MACROD2: variants seen among roughly 807,000 people sequenced by gnomAD.
MACROD2 encodes the protein ADP-ribose glycohydrolase MACROD2.
Under a neutral mutation model 70.4 loss-of-function variants are expected in MACROD2, and 36 were observed. The observed-to-expected ratio is 0.51, with a 90% CI of 0.39 to 0.68. The LOEUF is 0.68. MACROD2 is among the 30% of genes least tolerant of loss of function. The pLI, the probability that MACROD2 is intolerant of heterozygous loss-of-function variation, is 0.00. For synonymous variants in MACROD2, 172 were observed against 178.8 expected (o/e 0.96, Z 0.30); for missense variants, 496 against 538.4 (o/e 0.92, Z 0.78).
intron 8 of MACROD2, among the ~76,000 whole-genome samples, chr20:15,630,819 A>G (rs1287556467): frequency 6.6e-6 from 1 of 152,038 alleles, no homozygotes; most frequent in African/African-American, 2.4e-5. Flanking sequence ...TCTCTTATAG[A>G]TTTTTTCTCA....
rs1386085281 is a variant in MACROD2, at chr20:15,986,681, C to T, written c.986-46C>T. The T allele has an allele frequency of 9.0e-6, 13 of 1,439,756 alleles. 1 individual carries two copies. Among genetic ancestry groups the T allele is most frequent in the Admixed American group, 1.7e-5 (1 of 58,222 alleles). 89.2% of individuals were successfully genotyped at this position (1,439,756 alleles called of 1,614,324 possible). On this transcript the variant is annotated intron_variant, in intron 13 of 17. Transcript: ENST00000684519. Reference sequence around the variant, plus strand: ...TGAAGGTCAGGAATAAAGCTACGGTCATGCATATCACATTTCTTTTATTTT... The same window carrying T: ...TGAAGGTCAGGAATAAAGCTACGGTTATGCATATCACATTTCTTTTATTTT...
intron 3 of MACROD2, among the ~76,000 whole-genome samples, chr20:14,417,732 C>A (rs1407122490): frequency 1.3e-5 from 2 of 152,190 alleles, no homozygotes; most frequent in Non-Finnish European, 2.9e-5. Context: ...TTGGCTGAAG[C>A]TGACCTGCAT....
At chr20:14,541,406 C>T (rs1236025788) in intron 4 of MACROD2, among the ~76,000 whole-genome samples, 2 of 152,062 alleles carry the variant, frequency 1.3e-5, no homozygotes, top group African/African-American at 2.4e-5. Flanking sequence ...AAGTCTTCTC[C>T]GACCATCTCA....
At chr20:14,561,509 T>A (rs990601641) in intron 4 of MACROD2, among the ~76,000 whole-genome samples, 1 of 151,838 alleles carries the variant, frequency 6.6e-6, no homozygotes, top group African/African-American at 2.4e-5. Flanking sequence ...AGGTGCAGGG[T>A]ATACAAATGT....
chr20:16,004,363 A>G (rs940233418), intron 15 of MACROD2, among the ~76,000 whole-genome samples: 6 of 152,146 alleles, frequency 3.9e-5, no homozygotes, highest in Non-Finnish European at 7.4e-5. Flanking sequence ...GTGTTTGTTT[A>G]TTGGAAAGCA....
rs71190120 is a variant in MACROD2, at chr20:14,230,669, C to CTA, written c.271+144971_271+144972dup. On this transcript the variant is annotated intron_variant, in intron 3 of 17. Transcript: ENST00000684519. ...TATATATATATAACACAGGCTGGGC[C>CTA]TATATATATATATATATATATATAT... Among the ~76,000 whole-genome samples, 236 of 92,910 alleles carry CTA rather than the reference C, an allele frequency of 2.5e-3. 16 individuals carry two copies. Among genetic ancestry groups the CTA allele is most frequent in the African/African-American group, 0.011 (219 of 19,282 alleles). 61.0% of individuals were successfully genotyped at this position (92,910 alleles called of 152,430 possible).
At chr20:15,085,104 A>G (rs2075736604) in intron 5 of MACROD2, among the ~76,000 whole-genome samples, 1 of 152,200 alleles carries the variant, frequency 6.6e-6, no homozygotes, top group African/African-American at 2.4e-5. Context: ...AAATCCTCAC[A>G]TAATGGTCCA....
chr20:15,771,381 C>T (rs1430552219), intron 8 of MACROD2, among the ~76,000 whole-genome samples: 1 of 148,686 alleles, frequency 6.7e-6, no homozygotes, highest in Admixed American at 6.6e-5. Context: ...TGGGATTTTG[C>T]CATGTAGTTC....
chr20:15,187,038 A>G (rs2076539258), intron 5 of MACROD2, among the ~76,000 whole-genome samples: 1 of 152,190 alleles, frequency 6.6e-6, no homozygotes, highest in South Asian at 2.1e-4. Context: ...TGGAAACACT[A>G]CTATGTGAAC....
intron 9 of MACROD2, among the ~76,000 whole-genome samples, chr20:15,879,504 T>A (rs1391407209): frequency 6.6e-6 from 1 of 152,158 alleles, no homozygotes; most frequent in African/African-American, 2.4e-5. Flanking sequence ...TGTGCTTGAT[T>A]TTAATACAAA....
At chr20:14,929,116 G>A (rs2074267938) in intron 5 of MACROD2, among the ~76,000 whole-genome samples, 1 of 152,116 alleles carries the variant, frequency 6.6e-6, no homozygotes, top group African/African-American at 2.4e-5. Flanking sequence ...GACACCAAAT[G>A]TGCGGATTTT....
Position 15,827,029 on chromosome 20 carries a change from A to G in MACROD2, c.646-35716A>G, listed in dbSNP as rs201067870. Among the ~76,000 whole-genome samples the G allele has an allele frequency of 3.3e-5, 5 of 152,326 alleles. No individual in the cohort carries two copies. The South Asian group carries it at 1.0e-3, about 32-fold the overall frequency. Reference sequence around the variant, plus strand: ...AAATAGTGAACTAATTGCCTTAAAAATGGTAGAACTTTTCTTTTGGGTAGC... The same window carrying G: ...AAATAGTGAACTAATTGCCTTAAAAGTGGTAGAACTTTTCTTTTGGGTAGC... On this transcript the variant is annotated intron_variant, in intron 8 of 17. Transcript: ENST00000684519.
chr20:14,247,393 A>C (rs1487116803), intron 3 of MACROD2, among the ~76,000 whole-genome samples: 2 of 152,160 alleles, frequency 1.3e-5, no homozygotes, highest in African/African-American at 4.8e-5. Context: ...GGTTATGTGG[A>C]CTTTTGCAGT....
intron 3 of MACROD2, among the ~76,000 whole-genome samples, chr20:14,388,026 T>C (rs1439408602): frequency 6.6e-6 from 1 of 151,656 alleles, no homozygotes; most frequent in South Asian, 2.1e-4. Context: ...TTTTTTTTTT[T>C]TGAGACAGAG....
chr20:13,999,007 C>T, intron 1 of MACROD2, among the ~76,000 whole-genome samples: 1 of 150,408 alleles, frequency 6.6e-6, no homozygotes, highest in Non-Finnish European at 1.5e-5. Context: ...GTAATATGAA[C>T]AGCCCTAACA....
chr20:15,979,278 G>A (rs944651119), intron 13 of MACROD2, among the ~76,000 whole-genome samples: 10 of 152,262 alleles, frequency 6.6e-5, no homozygotes, highest in South Asian at 2.1e-4. Flanking sequence ...GGATCTAGAC[G>A]AAGGAACATG....
At chr20:15,625,375 C>T (rs989932489) in intron 8 of MACROD2, among the ~76,000 whole-genome samples, 5 of 151,976 alleles carry the variant, frequency 3.3e-5, no homozygotes, top group South Asian at 2.1e-4. Context: ...ATGCTGGGTT[C>T]GGCTCTAGGG....
intron 6 of MACROD2, among the ~76,000 whole-genome samples, chr20:15,349,973 C>G (rs1303165435): frequency 6.6e-6 from 1 of 152,126 alleles, no homozygotes; most frequent in African/African-American, 2.4e-5. Context: ...AAGCAGTGTT[C>G]TCATTGCTGA....
At chr20:15,915,337 G>A (rs1445188163) in intron 10 of MACROD2, among the ~76,000 whole-genome samples, 1 of 151,980 alleles carries the variant, frequency 6.6e-6, no homozygotes, top group Non-Finnish European at 1.5e-5. Flanking sequence ...ACTCAGGTAC[G>A]ATTACAAGTG....
Sources: allele counts gnomAD v4.1 joint callset (sites outside exome capture counted in the v4.1 genomes callset), GRCh38; gene constraint gnomAD v4.1.1; transcripts MANE v1.5; gene names NCBI Gene and HGNC (gene_info 2026-07-23, HGNC 2026-07-21).